ADAMTSL4: variants seen among roughly 807,000 people sequenced by gnomAD.
ADAMTSL4 encodes ADAMTS-like protein 4.
ADAMTSL4 carries 97 observed loss-of-function variants against 122.8 expected under a neutral mutation model. That is an observed-to-expected ratio of 0.79 (90% CI 0.67 to 0.93). The LOEUF (loss-of-function observed/expected upper bound fraction) is 0.93, where lower values mean the gene tolerates loss of function less well. Ranked by LOEUF, ADAMTSL4 falls within the 40% of genes least tolerant of loss-of-function variation. The probability of loss-of-function intolerance (pLI) is 0.00; values close to 1 mark genes in which losing one functional copy is unlikely to be tolerated. For synonymous variants in ADAMTSL4, 592 were observed against 568.0 expected (o/e 1.04, Z -0.60); for missense variants, 1,408 against 1,453.5 (o/e 0.97, Z 0.51).
At position 150,553,166 on chromosome 1, in the gene ADAMTSL4, C is replaced by G; in HGVS notation, c.347C>G (p.Thr116Arg). The G allele has an allele frequency of 6.2e-7, 1 of 1,611,718 alleles. No individual in the cohort carries two copies. The highest frequency in any genetic ancestry group is 8.5e-7 in the Non-Finnish European group (1 of 1,178,878). ...TSPETLPLYR[T>R]QSRGRGGPLR... is the part of the protein sequence containing the mutation. ...CCAGAAACCCTCCCCTTGTACAGGA[C>G]ACAGTCTCGGGGAAGGGGTGGCCCA... Residue 116 changes from threonine to arginine, a missense_variant, in exon 5 of 19, where the codon ACA becomes AGA. Physicochemically the swap from Thr to Arg is moderately conservative, Grantham distance 71. Coordinates refer to ENST00000271643, the MANE Select transcript of ADAMTSL4 (RefSeq NM_019032.6).
At chr1:150,550,488 C>G (rs897680520) in intron 2 of ADAMTSL4, 2 of 372,402 alleles carry the variant, frequency 5.4e-6, no homozygotes, top group African/African-American at 4.2e-5. Flanking sequence ...CTGGGTAGAC[C>G]CGTGGAGAGG....
rs200667760 is a variant in ADAMTSL4, at chr1:150,559,768, G to C, written c.2951G>C (p.Arg984Pro). 6.2e-6 allele frequency: 10 copies of C among 1,613,748 alleles called. No homozygotes were observed. Among genetic ancestry groups the C allele is most frequent in the Non-Finnish European group, 8.5e-6 (10 of 1,179,992 alleles). Residue 984 changes from arginine to proline, a missense_variant, in exon 18 of 19, where the codon CGC becomes CCC. Physicochemically the swap from Arg to Pro is moderately radical, Grantham distance 103 (BLOSUM62 -2). Transcript: ENST00000271643. This position sits in a 1 kb window ranked among gnomAD's most constrained non-coding sequence, Gnocchi z 4.1. Reference protein sequence around the residue: ...WFSTPWSPCSRSCQGGTQTRE... With the variant: ...WFSTPWSPCSPSCQGGTQTRE... Reference sequence around the variant, plus strand: ...TGGCTGGGGTCGCCCCAGTGTTCTCGCTCCTGCCAAGGGGGAACGCAGACA... The same window carrying C: ...TGGCTGGGGTCGCCCCAGTGTTCTCCCTCCTGCCAAGGGGGAACGCAGACA...
chr1:150,559,215 G>A lies in ADAMTSL4; in HGVS notation c.2763+50G>A. The A allele has an allele frequency of 6.2e-7, 1 of 1,612,414 alleles. No individual in the cohort carries two copies. Among genetic ancestry groups the A allele is most frequent in the Non-Finnish European group, 8.5e-7 (1 of 1,179,320 alleles). ...AGGAAGGGGGTGCCAGTCCCAGTGG[G>A]ATTCCTTGTGGGCACTTGGGGTGCT... is the stretch of plus-strand genomic sequence containing the variant. On this transcript the variant is annotated intron_variant, in intron 16 of 18. Coordinates refer to ENST00000271643, the MANE Select transcript of ADAMTSL4 (RefSeq NM_019032.6). This position sits in a 1 kb window ranked among gnomAD's most constrained non-coding sequence, Gnocchi z 4.1.
In ADAMTSL4 at chr1:150,554,315, T is replaced by A. The variant is rs752928902; in HGVS notation, c.1132-50T>A. 6.4e-6 allele frequency: 10 copies of A among 1,574,406 alleles called. No homozygotes were observed. In the South Asian group the frequency reaches 7.8e-5, roughly 12 times the overall value. Reference sequence around the variant, plus strand: ...TGCTCCCCAGGTTCAGCCCTGCCCCTACCCTCATTTTGCTCCCCAGCTCTG... The same window carrying A: ...TGCTCCCCAGGTTCAGCCCTGCCCCAACCCTCATTTTGCTCCCCAGCTCTG... On this transcript the variant is annotated intron_variant, in intron 6 of 18. Coordinates refer to ENST00000271643, the MANE Select transcript of ADAMTSL4 (RefSeq NM_019032.6). This position sits in a 1 kb window ranked among gnomAD's most constrained non-coding sequence, Gnocchi z 4.0.
Position 150,559,549 on chromosome 1 carries a change from GTC to G in ADAMTSL4, c.2943+89_2943+90del, listed in dbSNP as rs1672572940. 12 of 1,588,964 alleles carry G rather than the reference GTC, an allele frequency of 7.6e-6. No individual in the cohort carries two copies. The highest frequency in any genetic ancestry group is 2.2e-5 in the East Asian group (1 of 44,664). ...GCTCCTCTCGCTGTACCCCCTCCAG[GTC>G]TCTCTGTGCCCCAGAATAAGCCCAG... is the stretch of plus-strand genomic sequence containing the variant. On this transcript the variant is annotated intron_variant, in intron 17 of 18. Transcript: ENST00000271643. This position sits in a 1 kb window ranked among gnomAD's most constrained non-coding sequence, Gnocchi z 4.1.
intron 2 of ADAMTSL4, chr1:150,551,441 CAG>C: frequency 5.2e-6 from 1 of 193,702 alleles, no homozygotes; most frequent in South Asian, 8.7e-5. Flanking sequence ...GCAAGTAGGA[CAG>C]AGAGATGACT....
In ADAMTSL4 at chr1:150,554,724, G is replaced by A; in HGVS notation, c.1234+257G>A. ...TCCCCTGGGAAGGCCATCACTGGGG[G>A]TCAGGTGGCTGTGACACAAGAGGGC... On this transcript the variant is annotated intron_variant, in intron 7 of 18. Transcript: ENST00000271643. The surrounding 1 kb of genome is among the most constrained non-coding windows in gnomAD (Gnocchi z 4.0). 1 of 1,430,292 alleles carries A rather than the reference G, an allele frequency of 7.0e-7. No individual in the cohort carries two copies. The highest frequency in any genetic ancestry group is 9.4e-7 in the Non-Finnish European group (1 of 1,062,088). The allele number at this position is 1,430,292 out of a possible 1,614,324, so 88.6% of individuals were successfully genotyped here.
chr1:150,554,774 C>A lies in ADAMTSL4; in HGVS notation c.1234+307C>A. On this transcript the variant is annotated intron_variant, in intron 7 of 18. Transcript: ENST00000271643. The surrounding 1 kb of genome is among the most constrained non-coding windows in gnomAD (Gnocchi z 4.0). ...CCATGGTGGGAGAGATCCTGTCCAG[C>A]CGTGACAGCCAGGTGGGGGTGTGCC... 1.0e-6 allele frequency: 1 copy of A among 1,003,964 alleles called. No individual in the cohort carries two copies. Among genetic ancestry groups the A allele is most frequent in the Non-Finnish European group, 1.4e-6 (1 of 694,870 alleles). The allele number at this position is 1,003,964 out of a possible 1,614,324, so 62.2% of individuals were successfully genotyped here.
At position 150,555,682 on chromosome 1, in the gene ADAMTSL4, T is replaced by C. The variant is rs191040819; in HGVS notation, c.1371+117T>C. On this transcript the variant is annotated intron_variant, in intron 8 of 18. Transcript: ENST00000271643. ...GAACACATGCACACATGCAAGCACA[T>C]ACACACACGCATATGCGCACAGACA... The C allele has an allele frequency of 3.5e-5, 50 of 1,426,394 alleles. No individual in the cohort carries two copies. In the Admixed American group the frequency reaches 5.6e-4, roughly 16 times the overall value. The allele number at this position is 1,426,394 out of a possible 1,614,324, so 88.4% of individuals were successfully genotyped here. A position where few individuals can be genotyped will look rare whatever the true frequency, so the allele number is the denominator to read the frequency against.
Position 150,554,271 on chromosome 1 carries a change from C to T in ADAMTSL4, c.1132-94C>T. ...GGGCAGGGGTCTTGGAGCTCTTCCG[C>T]TGACCTGAGCCTCCCACCTGCTCCC... is the stretch of plus-strand genomic sequence containing the variant. On this transcript the variant is annotated intron_variant, in intron 6 of 18. Transcript: ENST00000271643. This position sits in a 1 kb window ranked among gnomAD's most constrained non-coding sequence, Gnocchi z 4.0. The T allele has an allele frequency of 6.8e-7, 1 of 1,461,966 alleles. No homozygotes were observed. Among genetic ancestry groups the T allele is most frequent in the Non-Finnish European group, 9.5e-7 (1 of 1,048,240 alleles). The allele number at this position is 1,461,966 out of a possible 1,614,324, so 90.6% of individuals were successfully genotyped here. A position where few individuals can be genotyped will look rare whatever the true frequency, so the allele number is the denominator to read the frequency against.
Position 150,560,778 on chromosome 1 carries a change from C to T in ADAMTSL4, c.*582C>T, listed in dbSNP as rs1038527741. 15 of 162,080 alleles carry T rather than the reference C, an allele frequency of 9.3e-5. No individual in the cohort carries two copies. The highest frequency in any genetic ancestry group is 3.4e-4 in the African/African-American group (14 of 41,550). 10.0% of individuals were successfully genotyped at this position (162,080 alleles called of 1,614,324 possible). On this transcript the variant is annotated 3_prime_UTR_variant, in exon 19 of 19. Transcript: ENST00000271643. ...GGCAGGAGGAAAGAGACTGCCTCTC[C>T]AGAGCAAGGCCCAGCTGGGCAGAGG...
intron 2 of ADAMTSL4, chr1:150,551,588 G>A (rs1219611866): frequency 6.3e-6 from 1 of 158,544 alleles, no homozygotes; most frequent in Non-Finnish European, 1.4e-5. Context: ...AGTGGGAGCA[G>A]ATGACAACCA....
In ADAMTSL4 at chr1:150,559,482, C is replaced by T. The variant is rs748693187; in HGVS notation, c.2943+16C>T. 11 of 1,612,432 alleles carry T rather than the reference C, an allele frequency of 6.8e-6. No individual in the cohort carries two copies. In the East Asian group the frequency reaches 8.9e-5, roughly 13 times the overall value. On this transcript the variant is annotated intron_variant, in intron 17 of 18. Coordinates refer to ENST00000271643, the MANE Select transcript of ADAMTSL4 (RefSeq NM_019032.6). This position sits in a 1 kb window ranked among gnomAD's most constrained non-coding sequence, Gnocchi z 4.1. Reference sequence around the variant, plus strand: ...CTGGAGCCCAGTGAGTGTCTGGCTGCGCTGTCCTGCCCTGCTCAGCCTGGG... The same window carrying T: ...CTGGAGCCCAGTGAGTGTCTGGCTGTGCTGTCCTGCCCTGCTCAGCCTGGG...
At chr1:150,550,042 G>T in intron 2 of ADAMTSL4, 147 bp downstream of exon 2, 1 of 331,386 alleles carries the variant, frequency 3.0e-6, no homozygotes, top group Non-Finnish European at 6.1e-6. Flanking sequence ...TCCATGGCTA[G>T]GCCCAGAAAC....
rs1560290066 is a variant in ADAMTSL4, at chr1:150,554,165, G to T, written c.1131+43G>T. The stretch of plus-strand genomic sequence containing the variant: ...TCCCCTCCCAACCCCGACCTCCAGT[G>T]TGGCTTCCCTGCCCTGAAGCTGGGT... On this transcript the variant is annotated intron_variant, in intron 6 of 18. Coordinates refer to ENST00000271643, the MANE Select transcript of ADAMTSL4 (RefSeq NM_019032.6). The surrounding 1 kb of genome is among the most constrained non-coding windows in gnomAD (Gnocchi z 4.0). 6.3e-7 allele frequency: 1 copy of T among 1,592,500 alleles called. No homozygotes were observed. Among genetic ancestry groups the T allele is most frequent in the East Asian group, 2.2e-5 (1 of 44,826 alleles).
chr1:150,557,763 C>A, intron 13 of ADAMTSL4, 140 bp downstream of exon 13: 1 of 1,330,630 alleles, frequency 7.5e-7, no homozygotes, highest in Non-Finnish European at 1.0e-6. Flanking sequence ...GGCAGACATT[C>A]GGTAGGCAGC....
At chr1:150,557,898 A>G (rs760729038) in intron 13 of ADAMTSL4, 47 bp from the exon 14 acceptor site, 33 of 1,579,072 alleles carry the variant, frequency 2.1e-5, no homozygotes, top group Non-Finnish European at 1.5e-5. Flanking sequence ...AGCCCCACAC[A>G]TCTCATCTAT....
rs146081960 is a variant in ADAMTSL4 at position 150,559,372 on chromosome 1, C to G, written c.2849C>G (p.Pro950Arg). Residue 950 changes from proline to arginine, a missense_variant, in exon 17 of 19, where the codon CCG becomes CGG. Physicochemically the swap from Pro to Arg is moderately radical, Grantham distance 103. Transcript: ENST00000271643. This position sits in a 1 kb window ranked among gnomAD's most constrained non-coding sequence, Gnocchi z 4.1. ...KLGTEFNVTS[P>R]SNCSHLPRPP... Reference sequence around the variant, plus strand: ...GGGACGGAGTTCAACGTGACTTCTCCGAGCAACTGTTCTCACCTCCCCAGG... The same window carrying G: ...GGGACGGAGTTCAACGTGACTTCTCGGAGCAACTGTTCTCACCTCCCCAGG... The G allele has an allele frequency of 1.9e-6, 3 of 1,613,780 alleles. No individual in the cohort carries two copies. Among genetic ancestry groups the G allele is most frequent in the Non-Finnish European group, 2.5e-6 (3 of 1,180,008 alleles).
At position 150,558,948 on chromosome 1, in the gene ADAMTSL4, C is replaced by T. The variant is rs780402302; in HGVS notation, c.2560-14C>T. On this transcript the variant is annotated splice_polypyrimidine_tract_variant and intron_variant, in intron 15 of 18. Coordinates refer to ENST00000271643, the MANE Select transcript of ADAMTSL4 (RefSeq NM_019032.6). ...CAGCAGGCCCCTCACACAGGCCGCT[C>T]TCCTCCTCCGCAGTGCTCAGCCGAG... The T allele has an allele frequency of 1.9e-6, 3 of 1,583,652 alleles. No homozygotes were observed. Among genetic ancestry groups the T allele is most frequent in the Non-Finnish European group, 1.7e-6 (2 of 1,161,720 alleles).
Sources: allele counts gnomAD v4.1 joint callset, GRCh38; gene constraint gnomAD v4.1.1; non-coding constraint Gnocchi (gnomAD v3.1); transcripts MANE v1.5; gene names NCBI Gene and HGNC (gene_info 2026-07-23, HGNC 2026-07-21).